The following RABGAP1L variants were observed in gnomAD, a reference collection of about 807,000 sequenced individuals.
RABGAP1L encodes the protein RAB GTPase activating protein 1 like, also known as rab GTPase-activating protein 1-like.
In RABGAP1L, 63 loss-of-function variants were observed where a neutral mutation model predicts 137.7. That is an observed-to-expected ratio of 0.46 (90% CI 0.37 to 0.56). The LOEUF is 0.56. Ranked by LOEUF, RABGAP1L falls within the 20% of genes least tolerant of loss-of-function variation. RABGAP1L has a pLI of 0.00. For synonymous variants in RABGAP1L, 431 were observed against 433.7 expected (o/e 0.99, Z 0.08); for missense variants, 1,095 against 1,244.0 (o/e 0.88, Z 1.80).
intron 14 of RABGAP1L, among the ~76,000 whole-genome samples, chr1:174,667,933 TACTC>T (rs1676907089): frequency 6.6e-6 from 1 of 152,192 alleles, no homozygotes; most frequent in Non-Finnish European, 1.5e-5. Context: ...GCTCAGTAAA[TACTC>T]AATTGCTGAG....
At chr1:174,366,622 A>G (rs1684632617) in intron 11 of RABGAP1L, among the ~76,000 whole-genome samples, 1 of 151,856 alleles carries the variant, frequency 6.6e-6, no homozygotes, top group Non-Finnish European at 1.5e-5. Context: ...ATATAAAAAA[A>G]AAATTAGCCG....
chr1:174,892,407 G>C (rs1340017568), intron 19 of RABGAP1L: 9 of 401,450 alleles, frequency 2.2e-5, no homozygotes, highest in Non-Finnish European at 3.4e-5. Flanking sequence ...TATAATCCCT[G>C]GTTGAAGAAA....
At chr1:174,874,221 T>TTTGATATC (rs1418686039) in intron 19 of RABGAP1L, among the ~76,000 whole-genome samples, 1 of 148,528 alleles carries the variant, frequency 6.7e-6, no homozygotes, top group African/African-American at 2.6e-5. Flanking sequence ...AATAAACCTA[T>TTTGATATC]TTCTATCAAA....
At chr1:174,787,981 T>G (rs1295010682) in intron 18 of RABGAP1L, among the ~76,000 whole-genome samples, 1 of 152,180 alleles carries the variant, frequency 6.6e-6, no homozygotes, top group Non-Finnish European at 1.5e-5. Context: ...AAAACTTCCC[T>G]GTCCTGGTCT....
intron 19 of RABGAP1L, among the ~76,000 whole-genome samples, chr1:174,919,144 G>A (rs898049283): frequency 9.9e-5 from 15 of 151,742 alleles, no homozygotes; most frequent in African/African-American, 2.9e-4. Flanking sequence ...TCAGCCTTCC[G>A]AGTAGCTGGG....
At chr1:174,926,480 A>G (rs1454388065) in intron 19 of RABGAP1L, among the ~76,000 whole-genome samples, 1 of 152,046 alleles carries the variant, frequency 6.6e-6, no homozygotes, top group African/African-American at 2.4e-5. Context: ...TTATCATTAG[A>G]TTTATTTCCA....
intron 11 of RABGAP1L, among the ~76,000 whole-genome samples, chr1:174,351,437 T>C (rs1372466578): frequency 6.6e-6 from 1 of 152,214 alleles, no homozygotes; most frequent in African/African-American, 2.4e-5. Context: ...CTATTTTCAC[T>C]GAATATACTA....
intron 13 of RABGAP1L, among the ~76,000 whole-genome samples, chr1:174,625,244 T>C (rs909954242): frequency 2.0e-5 from 3 of 152,198 alleles, no homozygotes; most frequent in Admixed American, 2.0e-4. Flanking sequence ...TCTTCCCTAC[T>C]ACCAGATTAT....
chr1:174,437,580 A>G (rs1376059569), intron 13 of RABGAP1L, among the ~76,000 whole-genome samples: 1 of 152,242 alleles, frequency 6.6e-6, no homozygotes, highest in Non-Finnish European at 1.5e-5. Context: ...GAGAAGACCA[A>G]ACCTACGTGT....
intron 11 of RABGAP1L, among the ~76,000 whole-genome samples, chr1:174,321,496 A>G (rs1433187465): frequency 6.6e-6 from 1 of 152,136 alleles, no homozygotes; most frequent in Non-Finnish European, 1.5e-5. Flanking sequence ...CAGCTTTTAA[A>G]TATCTCTCTT....
At chr1:174,876,925 C>T (rs1653210840) in intron 19 of RABGAP1L, among the ~76,000 whole-genome samples, 1 of 151,794 alleles carries the variant, frequency 6.6e-6, no homozygotes, top group African/African-American at 2.4e-5. Context: ...ATCACTTGTA[C>T]TATGAATTCT....
intron 5 of RABGAP1L, among the ~76,000 whole-genome samples, chr1:174,244,064 A>G (rs1414255723): frequency 6.6e-6 from 1 of 152,154 alleles, no homozygotes. Context: ...CAAAATAATT[A>G]TGGTTGTAAT....
intron 13 of RABGAP1L, among the ~76,000 whole-genome samples, chr1:174,531,608 C>T (rs1334845412): frequency 6.6e-6 from 1 of 152,016 alleles, no homozygotes; most frequent in African/African-American, 2.4e-5. Flanking sequence ...CTGGTTGCAT[C>T]TTTAGTTCAA....
At chr1:174,903,347 A>G (rs997699097) in intron 19 of RABGAP1L, among the ~76,000 whole-genome samples, 1 of 152,238 alleles carries the variant, frequency 6.6e-6, no homozygotes, top group African/African-American at 2.4e-5. Flanking sequence ...GGTGAAATAC[A>G]TGAGCCTTTG....
chr1:174,512,656 T>G (rs533527770), intron 13 of RABGAP1L, among the ~76,000 whole-genome samples: 1 of 152,292 alleles, frequency 6.6e-6, no homozygotes, highest in Admixed American at 6.5e-5. Flanking sequence ...TTCTTTAAAT[T>G]TGCACATGGG....
At chr1:174,886,553 G>C (rs2149104164) in intron 19 of RABGAP1L, among the ~76,000 whole-genome samples, 1 of 152,290 alleles carries the variant, frequency 6.6e-6, no homozygotes, top group Non-Finnish European at 1.5e-5. Context: ...GTTGGTTCAG[G>C]AGAAGAAGGA....
chr1:174,851,565 A>G (rs968120711), intron 19 of RABGAP1L, among the ~76,000 whole-genome samples: 2 of 152,038 alleles, frequency 1.3e-5, no homozygotes, highest in Non-Finnish European at 2.9e-5. Context: ...TCTGTCGCCC[A>G]TGCTGGAGTA....
chr1:174,432,482 C>T (rs1027849445), intron 13 of RABGAP1L, among the ~76,000 whole-genome samples: 1 of 152,112 alleles, frequency 6.6e-6, no homozygotes, highest in Non-Finnish European at 1.5e-5. Flanking sequence ...TATTGCTAAT[C>T]ACAGGATTTT....
intron 19 of RABGAP1L, among the ~76,000 whole-genome samples, chr1:174,871,888 G>A (rs1486899521): frequency 6.6e-5 from 10 of 152,070 alleles, no homozygotes; most frequent in South Asian, 2.1e-4. Flanking sequence ...AACAAATATC[G>A]GTGAATGCTT....
Sources: gnomAD v4.1 joint callset for allele counts (sites outside exome capture counted in the v4.1 genomes callset) on GRCh38, gnomAD v4.1.1 for gene constraint, MANE v1.5 for transcripts, NCBI Gene and HGNC (gene_info 2026-07-23, HGNC 2026-07-21) for gene names.